Variants in CDK15 observed in about 807,000 individuals in gnomAD.
CDK15 encodes cyclin-dependent kinase 15.
A neutral mutation model predicts 60.3 loss-of-function variants in CDK15; 62 were observed. The ratio of observed to expected loss-of-function variants is 1.03; its 90% confidence interval spans 0.84 to 1.27. The LOEUF (loss-of-function observed/expected upper bound fraction) is 1.27. Among genes scored for constraint, CDK15 ranks in the 50% most tolerant of loss-of-function variants. The pLI is 0.00. For missense variants in CDK15, 541 were observed against 527.8 expected, an observed-to-expected ratio of 1.03 and a Z score of -0.25; for synonymous variants, 194 against 195.7, an observed-to-expected ratio of 0.99 and a Z score of 0.07.
chr2:201,866,051 G>A (rs1002284582), intron 10 of CDK15, among the ~76,000 whole-genome samples: 1 of 143,826 alleles, frequency 7.0e-6, no homozygotes, highest in African/African-American at 2.6e-5. Context: ...TGTGTGTTTG[G>A]GGTGAGGGTG....
At chr2:201,814,881 A>C (rs1695923149) in intron 4 of CDK15, among the ~76,000 whole-genome samples, 1 of 152,112 alleles carries the variant, frequency 6.6e-6, no homozygotes, top group South Asian at 2.1e-4. Context: ...CATTTGGAGT[A>C]CTATTTTCAT....
intron 11 of CDK15, among the ~76,000 whole-genome samples, chr2:201,873,263 C>T (rs1388288371): frequency 6.6e-6 from 1 of 152,202 alleles, no homozygotes; most frequent in South Asian, 2.1e-4. Context: ...AGATCTTTCA[C>T]TGGGAGGGAC....
intron 4 of CDK15, among the ~76,000 whole-genome samples, chr2:201,815,287 A>G (rs182420764): frequency 1.3e-5 from 2 of 152,292 alleles, no homozygotes; most frequent in African/African-American, 2.4e-5. Context: ...TTAGAGATAG[A>G]TATTATTAAT....
At chr2:201,875,030 ACTG>A (rs1699022730) in intron 11 of CDK15, among the ~76,000 whole-genome samples, 1 of 152,194 alleles carries the variant, frequency 6.6e-6, no homozygotes, top group East Asian at 1.9e-4. Flanking sequence ...GGAAATCAAA[ACTG>A]CTGTCCCAGA....
rs183447043 is a variant in CDK15, at chr2:201,871,156, A to G, written c.1010-1122A>G. ...TCCCCTTACTTTATTTTTTATTTTT[A>G]TTTTTATTTATTTATTTTTTTGAGA... On this transcript the variant is annotated intron_variant, in intron 10 of 13. Coordinates refer to ENST00000652192, the MANE Select transcript of CDK15 (RefSeq NM_001366386.2). Among the ~76,000 whole-genome samples, 728 of 151,960 alleles carry G rather than the reference A, an allele frequency of 4.8e-3. 4 individuals are homozygous for G. The highest frequency in any genetic ancestry group is 0.017 in the African/African-American group (708 of 41,458).
At chr2:201,822,545 T>C (rs1696278536) in intron 4 of CDK15, among the ~76,000 whole-genome samples, 2 of 152,238 alleles carry the variant, frequency 1.3e-5, no homozygotes, top group South Asian at 4.1e-4. Context: ...AGTGCTTTGA[T>C]GAAATTGATT....
At chr2:201,878,161 G>A (rs1230928539) in intron 11 of CDK15, among the ~76,000 whole-genome samples, 2 of 152,172 alleles carry the variant, frequency 1.3e-5, no homozygotes, top group East Asian at 3.8e-4. Context: ...TTTCCCTCTT[G>A]TGCCTTTCCA....
intron 1 of CDK15, among the ~76,000 whole-genome samples, 194 bp from the exon 2 acceptor site, chr2:201,807,300 A>G (rs1695551550): frequency 6.6e-6 from 1 of 152,176 alleles, no homozygotes; most frequent in Non-Finnish European, 1.5e-5. Flanking sequence ...TGAAGAAAGA[A>G]TGTAGTATTT....
intron 10 of CDK15, among the ~76,000 whole-genome samples, chr2:201,857,838 C>T (rs1028269161): frequency 6.6e-6 from 1 of 152,128 alleles, no homozygotes. Context: ...TGAGCCACCC[C>T]CTACCCATCC....
chr2:201,888,932 T>TA, intron 12 of CDK15: 4 of 989,870 alleles, frequency 4.0e-6, no homozygotes, highest in Non-Finnish European at 4.8e-6. Flanking sequence ...CTGTCTATGC[T>TA]ATGACAAGAT....
intron 3 of CDK15, 82 bp downstream of exon 3, chr2:201,808,034 T>A: frequency 8.9e-7 from 1 of 1,119,962 alleles, no homozygotes; most frequent in South Asian, 1.4e-5. Flanking sequence ...AGGTGAGACA[T>A]CATAGAAGTT....
chr2:201,806,723 C>A lies in CDK15; in HGVS notation c.59C>A (p.Ser20Ter). Reference sequence around the variant, plus strand: ...CCTGGATGCAGCTGCTACCATTGTTCAGAGGGAGGCGAGGCACACAGCTGT... The same window carrying A: ...CCTGGATGCAGCTGCTACCATTGTTAAGAGGGAGGCGAGGCACACAGCTGT... Reference protein sequence around the residue: ...VQPGCSCYHCSEGGEAHSCRR... With the variant: ...VQPGCSCYHC The change falls in exon 1 of 14, where the codon TCA (serine) becomes TAA (stop). Residue 20 changes from serine to a stop codon, truncating the protein, a stop_gained. Transcript: ENST00000652192. LOFTEE classifies it high-confidence loss of function. 6.3e-7 allele frequency: 1 copy of A among 1,598,222 alleles called. No homozygotes were observed. The highest frequency in any genetic ancestry group is 1.1e-5 in the South Asian group (1 of 90,962).
intron 8 of CDK15, among the ~76,000 whole-genome samples, chr2:201,836,094 ATATATATT>A (rs1179645943): frequency 2.5e-5 from 3 of 121,050 alleles, no homozygotes; most frequent in African/African-American, 3.3e-5. Flanking sequence ...TTATATATTT[ATATATATT>A]TATATATTTA....
chr2:201,807,978 C>A, intron 3 of CDK15, 26 bp downstream of exon 3: 2 of 1,586,696 alleles, frequency 1.3e-6, no homozygotes, highest in South Asian at 1.1e-5. Flanking sequence ...CTGGGAGAGA[C>A]TTTAGAGATG....
At position 201,822,799 on chromosome 2, in the gene CDK15, A is replaced by G. The variant is rs1213393182; in HGVS notation, c.449-10A>G. ...AATGATGGATTTAACATTTTGTTTA[A>G]TTTTTCTAGCTTCTCTCCTGAAGGG... is the stretch of plus-strand genomic sequence containing the variant. On this transcript the variant is annotated splice_polypyrimidine_tract_variant and intron_variant, in intron 4 of 13. Transcript: ENST00000652192. The G allele has an allele frequency of 1.9e-6, 3 of 1,562,560 alleles. No individual in the cohort carries two copies. The highest frequency in any genetic ancestry group is 3.4e-5 in the Admixed American group (2 of 59,686).
At chr2:201,841,198 G>A (rs1184343991) in intron 8 of CDK15, among the ~76,000 whole-genome samples, 1 of 152,144 alleles carries the variant, frequency 6.6e-6, no homozygotes, top group African/African-American at 2.4e-5. Context: ...AGTTGCTTTT[G>A]CATCAACCTA....
intron 6 of CDK15, among the ~76,000 whole-genome samples, chr2:201,830,243 A>T (rs1294743133): frequency 6.6e-6 from 1 of 152,170 alleles, no homozygotes; most frequent in Non-Finnish European, 1.5e-5. Flanking sequence ...GCCTGGCCAG[A>T]ATATCAATAT....
At chr2:201,864,660 C>A (rs989059725) in intron 10 of CDK15, among the ~76,000 whole-genome samples, 8 of 152,176 alleles carry the variant, frequency 5.3e-5, no homozygotes, top group Non-Finnish European at 1.2e-4. Context: ...CTTGGCCTCC[C>A]AAAGTGCCGG....
chr2:201,807,589 A>T lies in CDK15; in HGVS notation c.219A>T (p.Pro73=). ...ARAQKFKSKR[P]RSNSDCFQEE... ...CCCAGAAGTTCAAGAGTAAAAGGCC[A>T]CGGAGTAACAGTGATTGTTTTCAGG... Residue 73 remains proline (P), a synonymous_variant, in exon 2 of 14, where the codon CCA becomes CCT. Coordinates refer to ENST00000652192, the MANE Select transcript of CDK15 (RefSeq NM_001366386.2). The T allele has an allele frequency of 6.2e-7, 1 of 1,614,226 alleles. No homozygotes were observed. The highest frequency in any genetic ancestry group is 1.1e-5 in the South Asian group (1 of 91,084).
Sources: gnomAD v4.1 joint callset for allele counts (sites outside exome capture counted in the v4.1 genomes callset) on GRCh38, gnomAD v4.1.1 for gene constraint, MANE v1.5 for transcripts, NCBI Gene and HGNC (gene_info 2026-07-23, HGNC 2026-07-21) for gene names.